HDAC9: variants seen among roughly 807,000 people sequenced by gnomAD.
The protein encoded by HDAC9 is histone deacetylase 9.
Under a neutral mutation model 139.4 loss-of-function variants are expected in HDAC9, and 41 were observed. The ratio of observed to expected loss-of-function variants is 0.29; its 90% CI spans 0.23 to 0.38. The LOEUF (loss-of-function observed/expected upper bound fraction) is 0.38, where lower values mean the gene tolerates loss of function less well. Ranked by LOEUF, HDAC9 falls within the 10% of genes least tolerant of loss-of-function variation. HDAC9 has a pLI of 1.00. For synonymous variants in HDAC9, 517 were observed against 476.2 expected (o/e 1.09, Z -1.12); for missense variants, 1,147 against 1,297.0 (o/e 0.88, Z 1.78).
chr7:18,183,357 G>A (rs1789652766), intron 2 of HDAC9, among the ~76,000 whole-genome samples: 1 of 152,106 alleles, frequency 6.6e-6, no homozygotes, highest in Non-Finnish European at 1.5e-5. Context: ...GTAAGCAAAT[G>A]AACCAATCCC....
chr7:18,114,076 T>C (rs930141513), intron 1 of HDAC9, among the ~76,000 whole-genome samples: 1 of 152,182 alleles, frequency 6.6e-6, no homozygotes, highest in Admixed American at 6.5e-5. Context: ...ACTCTGCATG[T>C]ATGTTTTCAG....
At chr7:18,925,253 A>C (rs978940646) in intron 22 of HDAC9, among the ~76,000 whole-genome samples, 3 of 152,312 alleles carry the variant, frequency 2.0e-5, no homozygotes, top group Admixed American at 1.3e-4. Context: ...ACTAAAGTCA[A>C]CTGACCCAAC....
intron 1 of HDAC9, among the ~76,000 whole-genome samples, chr7:18,130,713 A>C (rs970217304): frequency 6.6e-6 from 1 of 151,956 alleles, no homozygotes; most frequent in Non-Finnish European, 1.5e-5. Flanking sequence ...CCATTTATCT[A>C]TTTTGGATAT....
chr7:18,640,540 T>C (rs1414508816), intron 8 of HDAC9, among the ~76,000 whole-genome samples: 3 of 151,736 alleles, frequency 2.0e-5, no homozygotes, highest in Non-Finnish European at 4.4e-5. Context: ...CCCTCCTTCC[T>C]TGGTTCCTTC....
intron 16 of HDAC9, among the ~76,000 whole-genome samples, chr7:18,785,404 C>G (rs1243988357): frequency 6.6e-6 from 1 of 151,970 alleles, no homozygotes; most frequent in African/African-American, 2.4e-5. Flanking sequence ...TAGCACACCT[C>G]CCTTACTCAG....
intron 1 of HDAC9, among the ~76,000 whole-genome samples, chr7:18,369,904 G>A (rs752749665): frequency 6.6e-6 from 1 of 152,082 alleles, no homozygotes; most frequent in Non-Finnish European, 1.5e-5. Context: ...TTATTCCAGT[G>A]TAGGAAAAAA....
At chr7:18,654,014 G>A (rs73311484) in intron 11 of HDAC9, among the ~76,000 whole-genome samples, 10,023 of 152,130 alleles carry the variant, frequency 0.066, 1,037 homozygotes, top group African/African-American at 0.22. Flanking sequence ...GTTGCCTTGT[G>A]AAGTGTCCCT....
chr7:18,779,335 G>T (rs1194219932), intron 16 of HDAC9, among the ~76,000 whole-genome samples: 2 of 151,874 alleles, frequency 1.3e-5, no homozygotes, highest in Non-Finnish European at 2.9e-5. Flanking sequence ...TGTATCACAA[G>T]GGAGAAGGGA....
At chr7:18,452,645 G>A (rs138263807) in intron 1 of HDAC9, among the ~76,000 whole-genome samples, 507 of 152,284 alleles carry the variant, frequency 3.3e-3, no homozygotes, top group South Asian at 0.011. Context: ...TGGACTCAGT[G>A]GGAGGTAATT....
chr7:18,322,435 G>A (rs1800099380), intron 1 of HDAC9, among the ~76,000 whole-genome samples: 1 of 152,166 alleles, frequency 6.6e-6, no homozygotes, highest in Non-Finnish European at 1.5e-5. Flanking sequence ...ACCTCCAAGA[G>A]TATAGTTAGA....
At chr7:18,122,060 G>T (rs924157211) in intron 1 of HDAC9, among the ~76,000 whole-genome samples, 1 of 152,112 alleles carries the variant, frequency 6.6e-6, no homozygotes. Flanking sequence ...AAGATCCATG[G>T]TATCAGCAGA....
At chr7:18,497,295 C>T (rs1797198761) in intron 2 of HDAC9, among the ~76,000 whole-genome samples, 1 of 152,090 alleles carries the variant, frequency 6.6e-6, no homozygotes, top group East Asian at 1.9e-4. Context: ...TAGATCACCG[C>T]CTAGATTTCC....
At chr7:18,741,581 G>A (rs1392920120) in intron 13 of HDAC9, among the ~76,000 whole-genome samples, 1 of 152,196 alleles carries the variant, frequency 6.6e-6, no homozygotes, top group African/African-American at 2.4e-5. Flanking sequence ...ATGAGATTAA[G>A]TTTTCATACC....
intron 19 of HDAC9, among the ~76,000 whole-genome samples, chr7:18,832,924 C>T (rs751077121): frequency 4.0e-5 from 6 of 151,860 alleles, no homozygotes; most frequent in South Asian, 2.1e-4. Context: ...TTAGTAGAGA[C>T]GGGGTTTCTC....
chr7:18,434,023 G>A (rs981259187), intron 1 of HDAC9, among the ~76,000 whole-genome samples: 6 of 152,104 alleles, frequency 3.9e-5, no homozygotes, highest in African/African-American at 1.4e-4. Context: ...CTATGTGACA[G>A]GCTGCAGTAT....
intron 1 of HDAC9, among the ~76,000 whole-genome samples, chr7:18,475,166 A>G (rs1272256466): frequency 6.6e-6 from 1 of 152,180 alleles, no homozygotes; most frequent in Non-Finnish European, 1.5e-5. Context: ...CCAGACCTTG[A>G]TCTTTTCACC....
At chr7:18,894,371 A>G (rs1800979695) in intron 22 of HDAC9, among the ~76,000 whole-genome samples, 1 of 152,048 alleles carries the variant, frequency 6.6e-6, no homozygotes, top group African/African-American at 2.4e-5. Flanking sequence ...AGCCTGATTG[A>G]TTTTCACTGG....
rs1472661077 is a variant in HDAC9 at position 18,705,877 on chromosome 7, AAT to A, written c.1732-21701_1732-21700del. On this transcript the variant is annotated intron_variant, in intron 12 of 25. Coordinates refer to ENST00000686413, the MANE Select transcript of HDAC9 (RefSeq NM_178425.4). Reference sequence around the variant, plus strand: ...CAAAAAAAAAAATAAAATAAAATAAAATAAAAGAAATGGTTCAGACCCATAGG... The same window carrying A: ...CAAAAAAAAAAATAAAATAAAATAAAAAAAGAAATGGTTCAGACCCATAGG... Among the ~76,000 whole-genome samples, 184 of 144,472 alleles carry A rather than the reference AAT, an allele frequency of 1.3e-3. 13 individuals are homozygous for A. The highest frequency in any genetic ancestry group is 1.8e-3 in the Non-Finnish European group (120 of 67,196). The allele number at this position is 144,472 out of a possible 152,430, so 94.8% of individuals were successfully genotyped here. A position where few individuals can be genotyped will look rare whatever the true frequency, so the allele number is the denominator to read the frequency against.
intron 1 of HDAC9, among the ~76,000 whole-genome samples, chr7:18,449,764 T>G (rs1792643033): frequency 6.6e-6 from 1 of 152,186 alleles, no homozygotes. Context: ...ACTTTTTAAA[T>G]GTTTTGTTTA....
Sources: gnomAD v4.1 joint callset for allele counts (sites outside exome capture counted in the v4.1 genomes callset) on GRCh38, gnomAD v4.1.1 for gene constraint, MANE v1.5 for transcripts, NCBI Gene and HGNC (gene_info 2026-07-23, HGNC 2026-07-21) for gene names.